The following GPRC5A variants were observed in gnomAD, a reference collection of about 807,000 sequenced individuals.
The protein encoded by GPRC5A is retinoic acid-induced protein 3.
Under a neutral mutation model 22.5 loss-of-function variants are expected in GPRC5A, and 19 were observed. The ratio of observed to expected loss-of-function variants is 0.85; its 90% CI spans 0.59 to 1.24. GPRC5A has a LOEUF of 1.24. Ranked by LOEUF, GPRC5A falls within the 50% of genes most tolerant of loss-of-function variation. GPRC5A has a pLI of 0.00. For missense variants in GPRC5A, 471 were observed against 451.1 expected (o/e 1.04, Z -0.40); for synonymous variants, 192 against 184.5 (o/e 1.04, Z -0.33).
chr12:12,908,299 A>G lies in GPRC5A; in HGVS notation c.50A>G (p.Tyr17Cys), dbSNP rs1452003516. ...DGCRNGLKSK[Y>C]YRLCDKAEAW... ...TGCCGCAATGGCCTGAAATCCAAGT[A>G]CTACAGACTTTGTGATAAGGCTGAA... The change falls in exon 2 of 4, where the codon TAC (tyrosine) becomes TGC (cysteine). Residue 17 changes from tyrosine to cysteine, a missense_variant. Coordinates refer to ENST00000014914, the MANE Select transcript of GPRC5A (RefSeq NM_003979.4). The G allele has an allele frequency of 1.2e-6, 2 of 1,611,308 alleles. No homozygotes were observed. Among genetic ancestry groups the G allele is most frequent in the African/African-American group, 2.7e-5 (2 of 74,892 alleles).
chr12:12,895,248 A>G (rs1451647398), intron 1 of GPRC5A, among the ~76,000 whole-genome samples: 1 of 152,168 alleles, frequency 6.6e-6, no homozygotes. Flanking sequence ...CTGACACATA[A>G]TACTTGTTAA....
intron 2 of GPRC5A, chr12:12,910,013 C>T (rs1026378314): frequency 4.7e-5 from 7 of 149,142 alleles, no homozygotes; most frequent in East Asian, 2.0e-4. Flanking sequence ...CAGATGTTCT[C>T]GTGTTGTTTT....
At chr12:12,900,891 CAAAAAAAAA>C (rs756416857) in intron 1 of GPRC5A, among the ~76,000 whole-genome samples, 1 of 21,680 alleles carries the variant, frequency 4.6e-5, no homozygotes, top group African/African-American at 1.7e-4. Context: ...AACTCCGTCT[CAAAAAAAAA>C]AAAAAAAAAA....
intron 1 of GPRC5A, among the ~76,000 whole-genome samples, chr12:12,904,935 G>A (rs1479793111): frequency 6.8e-6 from 1 of 147,584 alleles, no homozygotes; most frequent in Non-Finnish European, 1.5e-5. Flanking sequence ...ACCCAGCCTG[G>A]AGTGCAGTGG....
rs1002034384 is a variant in GPRC5A, at chr12:12,915,407, G to A, written c.*2868G>A. 2.6e-5 allele frequency: 4 copies of A among 152,260 alleles called. No individual in the cohort carries two copies. The highest frequency in any genetic ancestry group is 7.3e-5 in the African/African-American group (3 of 41,372). The allele number at this position is 152,260 out of a possible 1,614,324, so 9.4% of individuals were successfully genotyped here. A position where few individuals can be genotyped will look rare whatever the true frequency, so the allele number is the denominator to read the frequency against. The stretch of plus-strand genomic sequence containing the variant: ...TTTGTAGAGGTGGGGGTCTTGCTCT[G>A]TTGCCCAGGCTGGTCTTGAACTCGA... On this transcript the variant is annotated 3_prime_UTR_variant, in exon 4 of 4. Coordinates refer to ENST00000014914, the MANE Select transcript of GPRC5A (RefSeq NM_003979.4).
chr12:12,912,490 C>A lies in GPRC5A; in HGVS notation c.1025C>A (p.Ala342Asp). 1 of 1,613,050 alleles carries A rather than the reference C, an allele frequency of 6.2e-7. No homozygotes were observed. The highest frequency in any genetic ancestry group is 1.3e-5 in the African/African-American group (1 of 75,018). ...QKEFSIPRAH[A>D]WPSPYKDYEV... ...GAATTCTCCATCCCACGGGCCCACGCTTGGCCGAGCCCTTACAAAGACTAT... is the reference window on the plus strand; with the variant it reads ...GAATTCTCCATCCCACGGGCCCACGATTGGCCGAGCCCTTACAAAGACTAT... The change falls in exon 4 of 4, where the codon GCT becomes GAT. Residue 342 changes from alanine to aspartate, a missense_variant. Ala to Asp is a moderately radical substitution (Grantham distance 126). Coordinates refer to ENST00000014914, the MANE Select transcript of GPRC5A (RefSeq NM_003979.4).
rs1863987943 is a variant in GPRC5A, at chr12:12,910,126, G to C, written c.922+955G>C. Among the ~76,000 whole-genome samples the C allele has an allele frequency of 2.0e-5, 3 of 152,196 alleles. No individual in the cohort carries two copies. The South Asian group carries it at 6.2e-4, about 31-fold the overall frequency. ...ACACTGACCTTTAAGTCTAATCACA[G>C]GGGGTGGGTGGTTTTGGGATAGGAA... On this transcript the variant is annotated intron_variant, in intron 2 of 3. Transcript: ENST00000014914.
chr12:12,912,290 G>T, intron 3 of GPRC5A, 148 bp downstream of exon 3: 1 of 844,196 alleles, frequency 1.2e-6, no homozygotes, highest in South Asian at 1.4e-5. Context: ...GCGGCCTCAC[G>T]GGGTTAGTGG....
rs1019064985 is a variant in GPRC5A, at chr12:12,916,923, C to T, written c.*4384C>T. 2 of 152,398 alleles carry T rather than the reference C, an allele frequency of 1.3e-5. No homozygotes were observed. Among genetic ancestry groups the T allele is most frequent in the African/African-American group, 4.8e-5 (2 of 41,566 alleles). The allele number at this position is 152,398 out of a possible 1,614,324, so 9.4% of individuals were successfully genotyped here. A position where few individuals can be genotyped will look rare whatever the true frequency, so the allele number is the denominator to read the frequency against. Reference sequence around the variant, plus strand: ...TGGACTGTGCCCAGCTGACCTTTCCCTTCCTTGCCCTCATCTTGCTGCCAG... The same window carrying T: ...TGGACTGTGCCCAGCTGACCTTTCCTTTCCTTGCCCTCATCTTGCTGCCAG... On this transcript the variant is annotated 3_prime_UTR_variant, in exon 4 of 4. Transcript: ENST00000014914.
In GPRC5A at chr12:12,914,486, G is replaced by C. The variant is rs1864037044; in HGVS notation, c.*1947G>C. On this transcript the variant is annotated 3_prime_UTR_variant, in exon 4 of 4. Transcript: ENST00000014914. ...CACATATATTATCTATCATAGGCTAGGGACTCAAGAAATGCATATTCCCCC... is the reference window on the plus strand; with the variant it reads ...CACATATATTATCTATCATAGGCTACGGACTCAAGAAATGCATATTCCCCC... 6.6e-6 allele frequency: 1 copy of C among 152,012 alleles called. No homozygotes were observed. The highest frequency in any genetic ancestry group is 2.4e-5 in the African/African-American group (1 of 41,386). 9.4% of individuals were successfully genotyped at this position (152,012 alleles called of 1,614,324 possible). A position where few individuals can be genotyped will look rare whatever the true frequency, so the allele number is the denominator to read the frequency against.
At chr12:12,906,074 C>T (rs1016606213) in intron 1 of GPRC5A, among the ~76,000 whole-genome samples, 1 of 152,060 alleles carries the variant, frequency 6.6e-6, no homozygotes, top group Non-Finnish European at 1.5e-5. Flanking sequence ...AGAGGAGACA[C>T]GTAGAGTACT....
intron 2 of GPRC5A, 44 bp from the exon 3 acceptor site, chr12:12,912,040 G>T (rs187822306): frequency 6.5e-6 from 9 of 1,389,104 alleles, no homozygotes; most frequent in African/African-American, 2.8e-5. Flanking sequence ...GTGAACATAG[G>T]TGGGGGCCCC....
At chr12:12,898,335 A>T (rs1863844837) in intron 1 of GPRC5A, among the ~76,000 whole-genome samples, 1 of 152,138 alleles carries the variant, frequency 6.6e-6, no homozygotes, top group South Asian at 2.1e-4. Context: ...GGAGTTGAAG[A>T]GCTGCCTGGG....
chr12:12,914,544 C>CCTT lies in GPRC5A; in HGVS notation c.*2006_*2008dup, dbSNP rs1864038081. 1.5e-5 allele frequency: 2 copies of CCTT among 135,888 alleles called. No homozygotes were observed. The highest frequency in any genetic ancestry group is 1.5e-4 in the Admixed American group (2 of 13,516). The allele number at this position is 135,888 out of a possible 1,614,324, so 8.4% of individuals were successfully genotyped here. On this transcript the variant is annotated 3_prime_UTR_variant, in exon 4 of 4. Transcript: ENST00000014914. The stretch of plus-strand genomic sequence containing the variant: ...TCTTTCTCTCTTTCCTTCCTTCCTT[C>CCTT]CTTTCTTCTTTCTTTCTTTCTTTCT...
At chr12:12,897,893 A>G (rs184607214) in intron 1 of GPRC5A, among the ~76,000 whole-genome samples, 14 of 152,066 alleles carry the variant, frequency 9.2e-5, no homozygotes, top group Non-Finnish European at 1.9e-4. Context: ...CACAGGTGTG[A>G]GCCACTGCGC....
Position 12,897,227 on chromosome 12 carries a change from TAAAA to T in GPRC5A, c.-8+5580_-8+5583del, listed in dbSNP as rs5796515. On this transcript the variant is annotated intron_variant, in intron 1 of 3. Coordinates refer to ENST00000014914, the MANE Select transcript of GPRC5A (RefSeq NM_003979.4). ...TGGAGTACAGAGCAAGACCCTGTCT[TAAAA>T]AAAAAAAAAAAAAAAAGGCCATAGG... Among the ~76,000 whole-genome samples, 4 of 88,312 alleles carry T rather than the reference TAAAA, an allele frequency of 4.5e-5. No homozygotes were observed. The Admixed American group carries it at 5.9e-4, about 13-fold the overall frequency. The allele number at this position is 88,312 out of a possible 152,430, so 57.9% of individuals were successfully genotyped here.
intron 1 of GPRC5A, among the ~76,000 whole-genome samples, chr12:12,901,356 C>T (rs777408702): frequency 6.6e-6 from 1 of 152,056 alleles, no homozygotes; most frequent in Non-Finnish European, 1.5e-5. Context: ...TAATCTCAGA[C>T]CCAAAGTGCA....
At chr12:12,903,071 CAAAAAAG>C (rs1863906463) in intron 1 of GPRC5A, among the ~76,000 whole-genome samples, 1 of 148,306 alleles carries the variant, frequency 6.7e-6, no homozygotes, top group Non-Finnish European at 1.5e-5. Context: ...CCGTCTCAAA[CAAAAAAG>C]AAAAAAGAAA....
chr12:12,891,843 T>TC (rs1863761950), intron 1 of GPRC5A, 179 bp downstream of exon 1: 1 of 134,526 alleles, frequency 7.4e-6, no homozygotes, highest in Non-Finnish European at 1.5e-5. Context: ...ACTCAGATTT[T>TC]TTTTTTTTTT....
Sources: allele counts gnomAD v4.1 joint callset (sites outside exome capture counted in the v4.1 genomes callset), GRCh38; gene constraint gnomAD v4.1.1; transcripts MANE v1.5; gene names NCBI Gene and HGNC (gene_info 2026-07-23, HGNC 2026-07-21).